The following GTSE1 variants were observed in gnomAD, a reference collection of about 807,000 sequenced individuals.
GTSE1 encodes G2 and S phase-expressed protein 1.
In GTSE1, 52 loss-of-function variants were observed where a neutral mutation model predicts 60.5. The observed-to-expected ratio is 0.86, with a 90% CI of 0.69 to 1.08. The LOEUF is 1.08. Among genes scored for constraint, GTSE1 ranks in the 50% least tolerant of loss-of-function variants. The probability of loss-of-function intolerance (pLI) is 0.00; values close to 1 mark genes in which losing one functional copy is unlikely to be tolerated. For missense variants in GTSE1, 937 were observed against 961.8 expected, an observed-to-expected ratio of 0.97 and a Z score of 0.34; for synonymous variants, 368 against 386.5, an observed-to-expected ratio of 0.95 and a Z score of 0.56.
Position 46,316,056 on chromosome 22 carries a change from T to G in GTSE1, c.1076T>G (p.Ile359Ser), listed in dbSNP as rs2077777289. The change falls in exon 7 of 12, where the codon ATT becomes AGT. Residue 359 changes from isoleucine (I) to serine (S), a missense_variant. Transcript: ENST00000454366. The surrounding 1 kb of genome is among the most constrained non-coding windows in gnomAD (Gnocchi z 5.0). ...GCTAAATCAAGTGAATTTGCAAGTA[T>G]TCCTGCAAATAGCTCCCGGCCTCTG... is the stretch of plus-strand genomic sequence containing the variant. ...GKAKSSEFAS[I>S]PANSSRPLSN... 2 of 1,514,620 alleles carry G rather than the reference T, an allele frequency of 1.3e-6. No individual in the cohort carries two copies. The allele number at this position is 1,514,620 out of a possible 1,614,324, so 93.8% of individuals were successfully genotyped here.
chr22:46,305,224 A>G (rs1416790742), intron 2 of GTSE1, among the ~76,000 whole-genome samples: 1 of 152,240 alleles, frequency 6.6e-6, no homozygotes, highest in African/African-American at 2.4e-5. Context: ...GCTCTTTAAT[A>G]AATTTCACCA....
At chr22:46,303,890 G>A (rs770918163) in intron 2 of GTSE1, among the ~76,000 whole-genome samples, 17 of 152,148 alleles carry the variant, frequency 1.1e-4, no homozygotes, top group Non-Finnish European at 1.6e-4. Context: ...GGAGACGAGC[G>A]GTGTTCCTGA....
chr22:46,328,263 G>T (rs6008712), intron 9 of GTSE1, among the ~76,000 whole-genome samples: 7,515 of 152,258 alleles, frequency 0.049, 631 homozygotes, highest in African/African-American at 0.17. Flanking sequence ...TGGGCAGCAG[G>T]GGAGGGGGCA....
In GTSE1 at chr22:46,329,354, C is replaced by A; in HGVS notation, c.1927-4C>A. 1 of 1,611,642 alleles carries A rather than the reference C, an allele frequency of 6.2e-7. No homozygotes were observed. Among genetic ancestry groups the A allele is most frequent in the Non-Finnish European group, 8.5e-7 (1 of 1,177,800 alleles). On this transcript the variant is annotated splice_region_variant and splice_polypyrimidine_tract_variant and intron_variant, in intron 10 of 11. Transcript: ENST00000454366. This position sits in a 1 kb window ranked among gnomAD's most constrained non-coding sequence, Gnocchi z 6.4. Reference sequence around the variant, plus strand: ...TCTGCTCTTAACCTTGGTTTTGTACCCAGGCTCTTCTTGTAGATATCAAAC... The same window carrying A: ...TCTGCTCTTAACCTTGGTTTTGTACACAGGCTCTTCTTGTAGATATCAAAC...
rs1434855532 is a variant in GTSE1, at chr22:46,329,395, T to C, written c.1964T>C (p.Val655Ala). ...LVDIKLEPLA[V>A]TPDAASQPLI... ...GATATCAAACTGGAACCACTCGCGG[T>C]CACTCCAGATGCTGCAAGCCAGCCC... The change falls in exon 11 of 12, where the codon GTC becomes GCC. Residue 655 changes from valine to alanine, a missense_variant. Val to Ala is a moderately conservative substitution (Grantham distance 64, BLOSUM62 0). Coordinates refer to ENST00000454366, the MANE Select transcript of GTSE1 (RefSeq NM_016426.7). The surrounding 1 kb of genome is among the most constrained non-coding windows in gnomAD (Gnocchi z 6.4). 1 of 1,614,052 alleles carries C rather than the reference T, an allele frequency of 6.2e-7. No homozygotes were observed. The highest frequency in any genetic ancestry group is 1.3e-5 in the African/African-American group (1 of 74,920).
Position 46,309,001 on chromosome 22 carries a change from TC to T in GTSE1, c.762+59del. On this transcript the variant is annotated intron_variant, in intron 4 of 11. Transcript: ENST00000454366. This position sits in a 1 kb window ranked among gnomAD's most constrained non-coding sequence, Gnocchi z 6.2. ...GCCCCCACTCCTTGCCCCTCAGCCC[TC>T]TCACAGAAGCCACATGCGGAAAGCC... is the stretch of plus-strand genomic sequence containing the variant. The T allele has an allele frequency of 6.5e-7, 1 of 1,534,052 alleles. No homozygotes were observed. Among genetic ancestry groups the T allele is most frequent in the Non-Finnish European group, 8.8e-7 (1 of 1,139,188 alleles).
In GTSE1 at chr22:46,326,597, C is replaced by T. The variant is rs1347998293; in HGVS notation, c.1667C>T (p.Pro556Leu). ...PKTMPRAVGS[P>L]LCVPARRRSS... ...ACGATGCCCAGGGCCGTGGGCTCTC[C>T]CCTGTGTGTGCCAGCTCGGAGACGT... The change falls in exon 9 of 12, where the codon CCC becomes CTC. Residue 556 changes from proline to leucine, a missense_variant. Transcript: ENST00000454366. 2 of 1,613,840 alleles carry T rather than the reference C, an allele frequency of 1.2e-6. No individual in the cohort carries two copies. Among genetic ancestry groups the T allele is most frequent in the South Asian group, 1.1e-5 (1 of 90,970 alleles).
rs1046799047 is a variant in GTSE1, at chr22:46,324,108, G to T, written c.1505+846G>T. On this transcript the variant is annotated intron_variant, in intron 8 of 11. Transcript: ENST00000454366. The surrounding 1 kb of genome is among the most constrained non-coding windows in gnomAD (Gnocchi z 5.2). ...TAGGGATGGCCCAAGCTCAGCTGGGGCCACTTGCAAGTCTTTTGGTGACTC... is the reference window on the plus strand; with the variant it reads ...TAGGGATGGCCCAAGCTCAGCTGGGTCCACTTGCAAGTCTTTTGGTGACTC... 6.6e-6 allele frequency among the ~76,000 whole-genome samples: 1 copy of T among 152,200 alleles called. No homozygotes were observed. Among genetic ancestry groups the T allele is most frequent in the African/African-American group, 2.4e-5 (1 of 41,440 alleles).
chr22:46,322,842 G>A (rs1010676872), intron 7 of GTSE1, among the ~76,000 whole-genome samples: 2 of 152,242 alleles, frequency 1.3e-5, no homozygotes, highest in African/African-American at 2.4e-5. Context: ...GCATGCAGGT[G>A]CCGTCTGACA....
At position 46,316,230 on chromosome 22, in the gene GTSE1, C is replaced by T. The variant is rs775482708; in HGVS notation, c.1250C>T (p.Ser417Phe). Residue 417 changes from serine to phenylalanine, a missense_variant, in exon 7 of 12, where the codon TCC becomes TTC. Physicochemically the swap from Ser to Phe is radical, Grantham distance 155 (BLOSUM62 -2). Coordinates refer to ENST00000454366, the MANE Select transcript of GTSE1 (RefSeq NM_016426.7). This position sits in a 1 kb window ranked among gnomAD's most constrained non-coding sequence, Gnocchi z 5.0. Reference sequence around the variant, plus strand: ...CAGCTCACGGCACCCCCCTCAGCATCCCCCACCCAACCCCAGACTCCGGAA... The same window carrying T: ...CAGCTCACGGCACCCCCCTCAGCATTCCCCACCCAACCCCAGACTCCGGAA... ...AEQLTAPPSA[S>F]PTQPQTPEGG... 6.2e-7 allele frequency: 1 copy of T among 1,613,576 alleles called. No homozygotes were observed. Among genetic ancestry groups the T allele is most frequent in the Non-Finnish European group, 8.5e-7 (1 of 1,179,952 alleles).
chr22:46,327,718 T>C (rs777569686), intron 9 of GTSE1, among the ~76,000 whole-genome samples: 30 of 152,242 alleles, frequency 2.0e-4, no homozygotes, highest in Non-Finnish European at 4.0e-4. Context: ...ATCCGTGTAT[T>C]TATACACAAA....
rs1021837117 is a variant in GTSE1, at chr22:46,319,084, A to C, written c.1432+2672A>C. 1.3e-5 allele frequency among the ~76,000 whole-genome samples: 2 copies of C among 152,118 alleles called. No individual in the cohort carries two copies. The highest frequency in any genetic ancestry group is 4.8e-5 in the African/African-American group (2 of 41,418). ...ATTCCGCACACAGCTGAAATTTCTT[A>C]CTGAGAAGAGGAAAGTTGCTGTTGA... On this transcript the variant is annotated intron_variant, in intron 7 of 11. Transcript: ENST00000454366. This position sits in a 1 kb window ranked among gnomAD's most constrained non-coding sequence, Gnocchi z 5.0.
intron 9 of GTSE1, chr22:46,326,861 G>C (rs6008702): frequency 0.18 from 87,434 of 482,772 alleles, 12,178 homozygotes; most frequent in African/African-American, 0.54. Context: ...GAAATACTGC[G>C]TGTAATTCTC....
At chr22:46,301,509 C>T (rs1462678549) in intron 2 of GTSE1, among the ~76,000 whole-genome samples, 13 of 144,108 alleles carry the variant, frequency 9.0e-5, no homozygotes, top group African/African-American at 3.1e-4. Context: ...TTTTTTAAGA[C>T]AGAGTTTCCC....
At position 46,326,190 on chromosome 22, in the gene GTSE1, T is replaced by G. The variant is rs149627723; in HGVS notation, c.1506-246T>G. On this transcript the variant is annotated intron_variant, in intron 8 of 11. Transcript: ENST00000454366. ...GATCAATTTTCTTTTGAGTTGCCTG[T>G]GAGGAAGGGCAGTGAAGCCATTCCC... Among the ~76,000 whole-genome samples, 54 of 152,370 alleles carry G rather than the reference T, an allele frequency of 3.5e-4. No individual in the cohort carries two copies. In the East Asian group the frequency reaches 9.1e-3, roughly 26 times the overall value.
chr22:46,323,075 C>G (rs2077822681), intron 7 of GTSE1, 115 bp from the exon 8 acceptor site: 12 of 774,668 alleles, frequency 1.5e-5, no homozygotes, highest in Non-Finnish European at 2.6e-5. Context: ...GCCACCTACA[C>G]TCAAGTTGGG....
At position 46,310,833 on chromosome 22, in the gene GTSE1, G is replaced by A. The variant is rs552936841; in HGVS notation, c.763-1308G>A. ...TAATCCCAGCTACTTGGGAGGCTGA[G>A]GCAGGAGAATCGCCTGAACCCAGGA... On this transcript the variant is annotated intron_variant, in intron 4 of 11. Transcript: ENST00000454366. The surrounding 1 kb of genome is among the most constrained non-coding windows in gnomAD (Gnocchi z 4.4). Among the ~76,000 whole-genome samples, 1 of 152,288 alleles carries A rather than the reference G, an allele frequency of 6.6e-6. No individual in the cohort carries two copies. The highest frequency in any genetic ancestry group is 1.9e-4 in the East Asian group (1 of 5,178).
chr22:46,328,900 C>T lies in GTSE1; in HGVS notation c.1926+11C>T, dbSNP rs201832969. Reference sequence around the variant, plus strand: ...GCAGCCCCTAGTGAGGTGGGCAGAACGGGCGCAGCTGGGTTCTGTTAGCTG... The same window carrying T: ...GCAGCCCCTAGTGAGGTGGGCAGAATGGGCGCAGCTGGGTTCTGTTAGCTG... On this transcript the variant is annotated intron_variant, in intron 10 of 11. Transcript: ENST00000454366. 5.6e-5 allele frequency: 90 copies of T among 1,604,434 alleles called. No homozygotes were observed. The highest frequency in any genetic ancestry group is 8.3e-5 in the Admixed American group (5 of 59,964).
At chr22:46,300,197 A>G (rs987270206) in intron 2 of GTSE1, among the ~76,000 whole-genome samples, 2 of 151,782 alleles carry the variant, frequency 1.3e-5, no homozygotes, top group African/African-American at 4.8e-5. Context: ...TCCTGGGTTC[A>G]AGTGATTCCC....
Sources: gnomAD v4.1 joint callset for allele counts (sites outside exome capture counted in the v4.1 genomes callset) on GRCh38, gnomAD v4.1.1 for gene constraint, Gnocchi (gnomAD v3.1) non-coding constraint, MANE v1.5 for transcripts, NCBI Gene and HGNC (gene_info 2026-07-23, HGNC 2026-07-21) for gene names.